The following ALS2CL variants were observed in gnomAD, a reference collection of about 807,000 sequenced individuals.
ALS2CL encodes ALS2 C-terminal like.
ALS2CL carries 112 observed loss-of-function variants against 127.9 expected under a neutral mutation model. That is an observed-to-expected ratio of 0.88 (90% CI 0.75 to 1.02). The LOEUF (loss-of-function observed/expected upper bound fraction) is 1.02, where lower values mean the gene tolerates loss of function less well. ALS2CL is among the 50% of genes least tolerant of loss of function. The probability of loss-of-function intolerance (pLI) is 0.00; values close to 1 mark genes in which losing one functional copy is unlikely to be tolerated. For synonymous variants in ALS2CL, 519 were observed against 527.6 expected (o/e 0.98, Z 0.22); for missense variants, 1,174 against 1,236.7 (o/e 0.95, Z 0.76).
At chr3:46,690,399 G>A (rs1700084007) in intron 1 of ALS2CL, among the ~76,000 whole-genome samples, 1 of 152,198 alleles carries the variant, frequency 6.6e-6, no homozygotes, top group South Asian at 2.1e-4. Context: ...CCTTGGGGTG[G>A]GCAGGTGGGC....
intron 1 of ALS2CL, among the ~76,000 whole-genome samples, chr3:46,690,886 C>T (rs1337757483): frequency 6.6e-6 from 1 of 152,248 alleles, no homozygotes; most frequent in Non-Finnish European, 1.5e-5. Context: ...CTACAACTCC[C>T]AGGGAATTGG....
chr3:46,680,489 C>T lies in ALS2CL; in HGVS notation c.1489G>A (p.Val497Ile). ...CAGACACCTGCCTGGGTGACCATGA[C>T]CCCTGGGCCGTGGCGCTGACCAGCC... ...WQAGQRHGPG[V>I]MVTQAGVCYQ... Residue 497 changes from valine (V) to isoleucine (I), a missense_variant, in exon 14 of 26, where the codon GTC becomes ATC. Transcript: ENST00000318962. 1.9e-6 allele frequency: 3 copies of T among 1,613,406 alleles called. No individual in the cohort carries two copies. The highest frequency in any genetic ancestry group is 1.3e-5 in the African/African-American group (1 of 75,048).
intron 15 of ALS2CL, 95 bp downstream of exon 15, chr3:46,679,115 C>A: frequency 7.6e-7 from 1 of 1,314,212 alleles, no homozygotes; most frequent in Non-Finnish European, 1.0e-6. Context: ...ACAGGCCCTC[C>A]CCTACCTGCC....
intron 15 of ALS2CL, 55 bp from the exon 16 acceptor site, chr3:46,678,444 C>A (rs1309979588): frequency 6.4e-6 from 10 of 1,571,014 alleles, no homozygotes; most frequent in South Asian, 1.2e-5. Context: ...CCCTTCCAGC[C>A]AATCATGACA....
rs111509911 is a variant in ALS2CL, at chr3:46,681,467, C to T, written c.1274+33G>A. The T allele has an allele frequency of 2.7e-3, 4,328 of 1,613,776 alleles. 96 individuals are homozygous for T. In the African/African-American group the frequency reaches 0.047, roughly 18 times the overall value. ...TGGAGCTCAGCCCAGAGGATGGGCC[C>T]AGCCCATGAACCCCCCAGCCAGGGT... is the stretch of plus-strand genomic sequence containing the variant. On this transcript the variant is annotated intron_variant, in intron 12 of 25. Transcript: ENST00000318962. This position sits in a 1 kb window ranked among gnomAD's most constrained non-coding sequence, Gnocchi z 4.9.
Position 46,679,227 on chromosome 3 carries a change from G to A in ALS2CL, c.1609C>T (p.Leu537=). 6.4e-7 allele frequency: 1 copy of A among 1,573,714 alleles called. No individual in the cohort carries two copies. The highest frequency in any genetic ancestry group is 2.3e-5 in the East Asian group (1 of 42,882). The part of the protein sequence containing the change: ...SLYEGTFTRD[L]TLMGKGKVTF... ...GTCCTCACCTTCCCCATGAGGGTCA[G>A]GTCCCTGGTGAAGGTGCCCTCATAC... Residue 537 remains leucine, a synonymous_variant, in exon 15 of 26, where the codon CTG becomes TTG. Transcript: ENST00000318962.
At chr3:46,677,185 C>A in intron 16 of ALS2CL, 163 bp from the exon 17 acceptor site, 1 of 1,428,860 alleles carries the variant, frequency 7.0e-7, no homozygotes, top group South Asian at 1.5e-5. Flanking sequence ...CTGACCTCCA[C>A]GGCTCCAGGA....
rs148591844 is a variant in ALS2CL at position 46,672,190 on chromosome 3, C to A, written c.2484G>T (p.Leu828=). Residue 828 remains leucine (L), a synonymous_variant, in exon 23 of 26, where the codon CTG becomes CTT. Transcript: ENST00000318962. The part of the protein sequence containing the change: ...LTLTSNQRYS[L]VRDKCFLSAT... ...CTGACAGGAAACACTTGTCCCTGACCAGGGAGTACCTCTGCATGGTGGAGG... is the reference window on the plus strand; with the variant it reads ...CTGACAGGAAACACTTGTCCCTGACAAGGGAGTACCTCTGCATGGTGGAGG... 4,110 of 1,614,084 alleles carry A rather than the reference C, an allele frequency of 2.5e-3. 19 individuals are homozygous for A. Among genetic ancestry groups the A allele is most frequent in the Non-Finnish European group, 3.0e-3 (3,589 of 1,180,024 alleles).
chr3:46,671,497 T>C lies in ALS2CL; in HGVS notation c.2772A>G (p.Thr924=), dbSNP rs1244605269. Reference sequence around the variant, plus strand: ...AGCCCCTGTCCCTTACCTCCAGGGCTGTGAGCAGGAAGTCATACAGGCCTC... The same window carrying C: ...AGCCCCTGTCCCTTACCTCCAGGGCCGTGAGCAGGAAGTCATACAGGCCTC... ...HTGGLYDFLL[T]ALESCYEHIQ... Residue 924 remains threonine, a synonymous_variant, in exon 25 of 26, where the codon ACA becomes ACG. Transcript: ENST00000318962. 1 of 1,613,914 alleles carries C rather than the reference T, an allele frequency of 6.2e-7. No individual in the cohort carries two copies. Among genetic ancestry groups the C allele is most frequent in the East Asian group, 2.2e-5 (1 of 44,894 alleles).
chr3:46,689,057 C>CT (rs10626746), intron 2 of ALS2CL, among the ~76,000 whole-genome samples: 1 of 151,954 alleles, frequency 6.6e-6, no homozygotes, highest in Admixed American at 6.6e-5. Context: ...TGGTAAAACC[C>CT]GTCTCCACTA....
At chr3:46,674,480 C>A in intron 21 of ALS2CL, 86 bp downstream of exon 21, 1 of 1,516,500 alleles carries the variant, frequency 6.6e-7, no homozygotes. Context: ...ATGAACCTAT[C>A]AACCCCAGCC....
Position 46,680,142 on chromosome 3 carries a change from G to A in ALS2CL, c.1548+288C>T, listed in dbSNP as rs1002075295. The stretch of plus-strand genomic sequence containing the variant: ...TAGGACTCTGTGAATGTCAGCTAAT[G>A]CATCATCATGAGCAAGTGCTCCATT... On this transcript the variant is annotated intron_variant, in intron 14 of 25. Transcript: ENST00000318962. The A allele has an allele frequency of 2.0e-5, 8 of 406,786 alleles. No individual in the cohort carries two copies. In the Admixed American group the frequency reaches 2.1e-4, roughly 11 times the overall value. 25.2% of individuals were successfully genotyped at this position (406,786 alleles called of 1,614,324 possible). A position where few individuals can be genotyped will look rare whatever the true frequency, so the allele number is the denominator to read the frequency against.
In ALS2CL at chr3:46,683,250, G is replaced by GC; in HGVS notation, c.988dup (p.Ala330GlyfsTer74). 6.2e-7 allele frequency: 1 copy of GC among 1,611,122 alleles called. No homozygotes were observed. Among genetic ancestry groups the GC allele is most frequent in the Non-Finnish European group, 8.5e-7 (1 of 1,178,882 alleles). Reference sequence around the variant, plus strand: ...GGGAGGCTGGGAGGGCTCCAGGCCAGCCCCCAGCACGGGGAAGTCCTTCTT... The same window carrying GC: ...GGGAGGCTGGGAGGGCTCCAGGCCAGCCCCCCAGCACGGGGAAGTCCTTCTT... On this transcript the variant is annotated frameshift_variant, in exon 10 of 26. Transcript: ENST00000318962. LOFTEE classifies it high-confidence loss of function.
chr3:46,679,309 AG>A, intron 14 of ALS2CL, 22 bp from the exon 15 acceptor site: 1 of 1,552,772 alleles, frequency 6.4e-7, no homozygotes, highest in Non-Finnish European at 8.8e-7. Flanking sequence ...GAAGCCAGGG[AG>A]GGTAGAAAGG....
chr3:46,681,113 G>T lies in ALS2CL; in HGVS notation c.1436+133C>A. The T allele has an allele frequency of 4.3e-6, 6 of 1,402,536 alleles. No homozygotes were observed. Among genetic ancestry groups the T allele is most frequent in the Non-Finnish European group, 6.0e-6 (6 of 997,480 alleles). 86.9% of individuals were successfully genotyped at this position (1,402,536 alleles called of 1,614,324 possible). Reference sequence around the variant, plus strand: ...GCCTGAGCCTCCGCAGCAACCGAGGGACTGGAGGGGAAGTGAGGGGCTTAA... The same window carrying T: ...GCCTGAGCCTCCGCAGCAACCGAGGTACTGGAGGGGAAGTGAGGGGCTTAA... On this transcript the variant is annotated intron_variant, in intron 13 of 25. Coordinates refer to ENST00000318962, the MANE Select transcript of ALS2CL (RefSeq NM_147129.5). This position sits in a 1 kb window ranked among gnomAD's most constrained non-coding sequence, Gnocchi z 4.9.
intron 20 of ALS2CL, 62 bp downstream of exon 20, chr3:46,675,556 A>G: frequency 6.6e-7 from 1 of 1,516,976 alleles, no homozygotes; most frequent in Non-Finnish European, 9.1e-7. Flanking sequence ...GGGAGGTCCT[A>G]GGAGCAGACG....
chr3:46,686,447 G>A lies in ALS2CL; in HGVS notation c.535-8C>T. On this transcript the variant is annotated splice_region_variant and splice_polypyrimidine_tract_variant and intron_variant, in intron 5 of 25. Coordinates refer to ENST00000318962, the MANE Select transcript of ALS2CL (RefSeq NM_147129.5). This position sits in a 1 kb window ranked among gnomAD's most constrained non-coding sequence, Gnocchi z 4.3. The stretch of plus-strand genomic sequence containing the variant: ...CTCCCGGGTTGGGTGATGCTGAAGG[G>A]GGACAGGGCAGCCAGTGAGAGGAGA... The A allele has an allele frequency of 6.2e-7, 1 of 1,611,196 alleles. No homozygotes were observed. Among genetic ancestry groups the A allele is most frequent in the Non-Finnish European group, 8.5e-7 (1 of 1,178,600 alleles).
intron 4 of ALS2CL, among the ~76,000 whole-genome samples, 196 bp from the exon 5 acceptor site, chr3:46,687,344 T>C (rs1027627635): frequency 1.3e-5 from 2 of 152,202 alleles, no homozygotes; most frequent in African/African-American, 4.8e-5. Context: ...TATGAAGGGA[T>C]TGCTGATCAC....
intron 18 of ALS2CL, 51 bp from the exon 19 acceptor site, chr3:46,676,453 C>G (rs752448977): frequency 3.7e-6 from 6 of 1,607,808 alleles, no homozygotes; most frequent in Non-Finnish European, 5.1e-6. Flanking sequence ...GGGTCTGGAG[C>G]ACAGCATGCC....
Sources: allele counts gnomAD v4.1 joint callset (sites outside exome capture counted in the v4.1 genomes callset), GRCh38; gene constraint gnomAD v4.1.1; non-coding constraint Gnocchi (gnomAD v3.1); transcripts MANE v1.5; gene names NCBI Gene and HGNC (gene_info 2026-07-23, HGNC 2026-07-21).